Variants in ARHGEF6 observed in about 807,000 individuals in gnomAD.
The protein encoded by ARHGEF6 is Rac/Cdc42 guanine nucleotide exchange factor 6, also known as rho guanine nucleotide exchange factor 6.
ARHGEF6 carries 9 observed loss-of-function variants against 70.3 expected under a neutral mutation model. The ratio of observed to expected loss-of-function variants is 0.13; its 90% confidence interval spans 0.08 to 0.22. The LOEUF (loss-of-function observed/expected upper bound fraction) is 0.22, where lower values mean the gene tolerates loss of function less well. Ranked by LOEUF, ARHGEF6 falls within the 10% of genes least tolerant of loss-of-function variation. The pLI is 1.00. For synonymous variants in ARHGEF6, 201 were observed against 207.8 expected (o/e 0.97, Z 0.28); for missense variants, 470 against 563.0 (o/e 0.83, Z 1.67).
chrX:136,675,137 C>A, intron 18 of ARHGEF6, 41 bp from the exon 19 acceptor site: 1 of 1,088,596 alleles, frequency 9.2e-7, no homozygotes, highest in South Asian at 1.9e-5. Context: ...TAGATATATG[C>A]TTTTGGACCC....
chrX:136,767,446 CCGCAA>C, intron 2 of ARHGEF6: 1 of 755,175 alleles, frequency 1.3e-6, no homozygotes, highest in Admixed American at 8.5e-5. Flanking sequence ...TGTGCCGCGC[CCGCAA>C]CCTCTCCAGC....
chrX:136,757,473 G>A (rs1427120157), intron 2 of ARHGEF6, among the ~76,000 whole-genome samples: 5 of 111,840 alleles, frequency 4.5e-5, no homozygotes, highest in Non-Finnish European at 7.5e-5. Flanking sequence ...CAGGCCCATC[G>A]TTTCTCACCA....
intron 9 of ARHGEF6, among the ~76,000 whole-genome samples, chrX:136,702,164 C>A (rs1486563958): frequency 9.0e-6 from 1 of 111,427 alleles, no homozygotes; most frequent in Non-Finnish European, 1.9e-5. Flanking sequence ...TTATAAGTTA[C>A]CTATGAAATT....
intron 2 of ARHGEF6, among the ~76,000 whole-genome samples, chrX:136,752,110 G>A (rs1013140536): frequency 8.9e-5 from 10 of 112,288 alleles, no homozygotes; most frequent in Admixed American, 2.8e-4. Context: ...GTCTGTATGC[G>A]AAAAGAAATC....
chrX:136,726,019 T>G (rs1374622868), intron 6 of ARHGEF6, among the ~76,000 whole-genome samples: 1 of 111,826 alleles, frequency 8.9e-6, no homozygotes, highest in Non-Finnish European at 1.9e-5. Flanking sequence ...CTAAAATGCA[T>G]AAACAATGGC....
intron 2 of ARHGEF6, chrX:136,768,755 G>A (rs187291625): frequency 8.9e-5 from 10 of 112,017 alleles, no homozygotes; most frequent in African/African-American, 3.2e-4. Context: ...ATGATCATTA[G>A]TAGAGCTGCC....
chrX:136,685,652 A>G lies in ARHGEF6; in HGVS notation c.1392+25T>C, dbSNP rs752365555. Reference sequence around the variant, plus strand: ...GAAAAATACGAAAGATGGAAGAAATAATGTTGAGATTTGAAATACCTTACC... The same window carrying G: ...GAAAAATACGAAAGATGGAAGAAATGATGTTGAGATTTGAAATACCTTACC... On this transcript the variant is annotated intron_variant, in intron 12 of 21. Coordinates refer to ENST00000250617, the MANE Select transcript of ARHGEF6 (RefSeq NM_004840.3). 10 of 1,198,197 alleles carry G rather than the reference A, an allele frequency of 8.3e-6. No individual in the cohort carries two copies. In the East Asian group the frequency reaches 1.2e-4, roughly 14 times the overall value.
chrX:136,684,754 C>T (rs986158393), intron 12 of ARHGEF6, among the ~76,000 whole-genome samples: 1 of 111,543 alleles, frequency 9.0e-6, no homozygotes, highest in African/African-American at 3.3e-5. Flanking sequence ...AGGGGCACCA[C>T]TTCCTGTTGG....
At chrX:136,687,846 A>G (rs2076420066) in intron 11 of ARHGEF6, 86 bp downstream of exon 11, 3 of 792,520 alleles carry the variant, frequency 3.8e-6, no homozygotes, top group African/African-American at 2.0e-5. Context: ...AGACCTTTGT[A>G]TAGGGAAAGA....
intron 2 of ARHGEF6, among the ~76,000 whole-genome samples, chrX:136,759,231 A>C (rs922688412): frequency 8.9e-6 from 1 of 112,674 alleles, no homozygotes; most frequent in Non-Finnish European, 1.9e-5. Context: ...AGAAATTATT[A>C]GTACATACCT....
chrX:136,745,166 A>G, intron 4 of ARHGEF6, 57 bp downstream of exon 4: 1 of 1,190,938 alleles, frequency 8.4e-7, no homozygotes, highest in Non-Finnish European at 1.1e-6. Flanking sequence ...TGCAACTAGG[A>G]TATCAATCTA....
intron 5 of ARHGEF6, among the ~76,000 whole-genome samples, chrX:136,732,377 A>G (rs2076944776): frequency 8.9e-6 from 1 of 112,039 alleles, no homozygotes; most frequent in South Asian, 3.7e-4. Context: ...ATTTCCAAAG[A>G]AGGAATAAGC....
At chrX:136,747,682 CGGAAAAAA>C (rs1766318038) in intron 2 of ARHGEF6, 90 bp from the exon 3 acceptor site, 6 of 191,739 alleles carry the variant, frequency 3.1e-5, no homozygotes, top group South Asian at 1.1e-4. Flanking sequence ...TCCAGCTCTC[CGGAAAAAA>C]AAAAAAAAAA....
intron 2 of ARHGEF6, among the ~76,000 whole-genome samples, chrX:136,769,789 ATTC>A (rs1329302132): frequency 8.9e-6 from 1 of 112,252 alleles, no homozygotes; most frequent in African/African-American, 3.2e-5. Context: ...AGACAGGAGG[ATTC>A]TTCCATATAT....
Position 136,676,712 on chromosome X carries a change from A to G in ARHGEF6, c.1857T>C (p.Ser619=). Residue 619 remains serine (S), a synonymous_variant, in exon 18 of 22, where the codon TCT becomes TCC. Coordinates refer to ENST00000250617, the MANE Select transcript of ARHGEF6 (RefSeq NM_004840.3). The part of the protein sequence containing the change: ...KERMSYILKE[S]SKSPKTMKKF... The stretch of plus-strand genomic sequence containing the variant: ...TCTTCATCGTTTTAGGGCTTTTACT[A>G]GACTCCTGTGAGGACAGAGGTTTCT... 8.4e-7 allele frequency: 1 copy of G among 1,188,396 alleles called. No homozygotes were observed. The highest frequency in any genetic ancestry group is 1.1e-6 in the Non-Finnish European group (1 of 874,236).
chrX:136,667,900 A>AGAGG lies in ARHGEF6; in HGVS notation c.*125_*128dup, dbSNP rs760492686. 4.7e-5 allele frequency: 41 copies of AGAGG among 863,165 alleles called. No individual in the cohort carries two copies. In the African/African-American group the frequency reaches 6.8e-4, roughly 14 times the overall value. 71.1% of individuals were successfully genotyped at this position (863,165 alleles called of 1,213,427 possible). The stretch of plus-strand genomic sequence containing the variant: ...CACAGCGGGGAGAGAAAGAGAAGAG[A>AGAGG]GAGGGAGAGAGAGAGAGAGACTCAA... On this transcript the variant is annotated 3_prime_UTR_variant, in exon 22 of 22. Transcript: ENST00000250617.
In ARHGEF6 at chrX:136,669,447, C is replaced by G. The variant is rs375758853; in HGVS notation, c.2190+35G>C. 4 of 1,170,974 alleles carry G rather than the reference C, an allele frequency of 3.4e-6. No homozygotes were observed. In the African/African-American group the frequency reaches 7.1e-5, roughly 21 times the overall value. On this transcript the variant is annotated intron_variant, in intron 21 of 21. Transcript: ENST00000250617. ...GTGAGGCAAGAAAAAGAGAATGGTTCTATTACCCGAGAAAATGATTTTATA... is the reference window on the plus strand; with the variant it reads ...GTGAGGCAAGAAAAAGAGAATGGTTGTATTACCCGAGAAAATGATTTTATA...
In ARHGEF6 at chrX:136,672,226, C is replaced by A. The variant is rs186266235; in HGVS notation, c.2036-107G>T. ...CTATTGTTACAGAAGGGTCTTTGTT[C>A]ATAGCATGTTGCTACATTACACCCA... is the stretch of plus-strand genomic sequence containing the variant. On this transcript the variant is annotated intron_variant, in intron 19 of 21. Transcript: ENST00000250617. 5.6e-3 allele frequency: 3,561 copies of A among 640,521 alleles called. 15 individuals are homozygous for A. Among genetic ancestry groups the A allele is most frequent in the Non-Finnish European group, 7.3e-3 (2,807 of 385,200 alleles). 52.8% of individuals were successfully genotyped at this position (640,521 alleles called of 1,213,427 possible). A position where few individuals can be genotyped will look rare whatever the true frequency, so the allele number is the denominator to read the frequency against.
intron 9 of ARHGEF6, among the ~76,000 whole-genome samples, chrX:136,704,435 T>C (rs2076606276): frequency 8.9e-6 from 1 of 112,470 alleles, no homozygotes; most frequent in Non-Finnish European, 1.9e-5. Flanking sequence ...GTATACGAAC[T>C]TCCAGTAGGT....
Sources: allele counts gnomAD v4.1 joint callset (sites outside exome capture counted in the v4.1 genomes callset), GRCh38; gene constraint gnomAD v4.1.1; transcripts MANE v1.5; gene names NCBI Gene and HGNC (gene_info 2026-07-23, HGNC 2026-07-21).